Variants in ADGB observed in about 807,000 individuals in gnomAD.
ADGB encodes androglobin, also known as calpain-7-like protein.
ADGB carries 172 observed loss-of-function variants against 210.5 expected under a neutral mutation model. The observed-to-expected ratio is 0.82, with a 90% CI of 0.72 to 0.93. The LOEUF (loss-of-function observed/expected upper bound fraction) is 0.93. Among genes scored for constraint, ADGB ranks in the 40% least tolerant of loss-of-function variants. ADGB has a pLI of 0.00. For missense variants in ADGB, 2,025 were observed against 1,964.8 expected (o/e 1.03, Z -0.58); for synonymous variants, 658 against 662.7 (o/e 0.99, Z 0.11).
chr6:146,803,917 T>A, intron 35 of ADGB: 1 of 274,590 alleles, frequency 3.6e-6, no homozygotes, highest in Non-Finnish European at 6.7e-6. Context: ...GCCTACAGAA[T>A]CCCCAAAAAG....
At chr6:146,606,124 G>T (rs938327643) in intron 1 of ADGB, among the ~76,000 whole-genome samples, 2 of 152,028 alleles carry the variant, frequency 1.3e-5, no homozygotes, top group African/African-American at 4.8e-5. Context: ...ATTCTTAATG[G>T]TGTGAGATGG....
intron 2 of ADGB, among the ~76,000 whole-genome samples, chr6:146,640,433 A>G (rs563563716): frequency 5.2e-4 from 79 of 152,030 alleles, no homozygotes; most frequent in African/African-American, 1.7e-3. Flanking sequence ...CATCTTGATA[A>G]CAAAACCTGG....
At chr6:146,731,883 G>A (rs147176915) in intron 20 of ADGB, among the ~76,000 whole-genome samples, 2 of 152,272 alleles carry the variant, frequency 1.3e-5, no homozygotes, top group Admixed American at 6.5e-5. Context: ...CGGGCACGGA[G>A]TCTGCAAATG....
At chr6:146,682,129 A>G (rs1037622462) in intron 9 of ADGB, among the ~76,000 whole-genome samples, 11 of 152,102 alleles carry the variant, frequency 7.2e-5, no homozygotes, top group Non-Finnish European at 1.6e-4. Flanking sequence ...AATACTTCTT[A>G]TGGATTTATA....
At chr6:146,646,467 A>G (rs761696402) in intron 3 of ADGB, among the ~76,000 whole-genome samples, 6 of 152,124 alleles carry the variant, frequency 3.9e-5, no homozygotes, top group Non-Finnish European at 2.9e-5. Flanking sequence ...TCAAAAAGCA[A>G]GGTTACAAAA....
chr6:146,660,758 T>C (rs1775843844), intron 5 of ADGB, among the ~76,000 whole-genome samples: 1 of 152,176 alleles, frequency 6.6e-6, no homozygotes, highest in Admixed American at 6.5e-5. Flanking sequence ...CTAGGATTTC[T>C]ACCATATGGA....
intron 23 of ADGB, 38 bp downstream of exon 23, chr6:146,736,629 G>T (rs1006432776): frequency 6.8e-5 from 97 of 1,416,234 alleles, no homozygotes; most frequent in Non-Finnish European, 8.8e-5. Flanking sequence ...GCAGTATATT[G>T]TCCTTTTGTC....
At chr6:146,701,130 C>A in intron 13 of ADGB, 60 bp downstream of exon 13, 1 of 1,492,902 alleles carries the variant, frequency 6.7e-7, no homozygotes, top group Non-Finnish European at 9.1e-7. Flanking sequence ...TTTTTCCTTA[C>A]ATTGTGAAAC....
chr6:146,764,129 C>CTGT, intron 28 of ADGB, 29 bp downstream of exon 28: 1 of 1,499,372 alleles, frequency 6.7e-7, no homozygotes, highest in Non-Finnish European at 9.0e-7. Flanking sequence ...TTCAATTGGA[C>CTGT]TGTTCCTAAA....
intron 8 of ADGB, among the ~76,000 whole-genome samples, chr6:146,672,875 C>T (rs900556645): frequency 6.6e-6 from 1 of 151,836 alleles, no homozygotes; most frequent in East Asian, 1.9e-4. Flanking sequence ...GGGTTACAGG[C>T]GTGCACCACC....
At chr6:146,773,761 GA>G (rs1477145060) in intron 29 of ADGB, among the ~76,000 whole-genome samples, 1 of 152,176 alleles carries the variant, frequency 6.6e-6, no homozygotes, top group African/African-American at 2.4e-5. Flanking sequence ...AAGCTCTTTA[GA>G]TACTCTAACA....
intron 33 of ADGB, among the ~76,000 whole-genome samples, chr6:146,793,434 GATGGGGGCAAAGA>G (rs1777982083): frequency 6.6e-6 from 1 of 152,142 alleles, no homozygotes; most frequent in Non-Finnish European, 1.5e-5. Flanking sequence ...CTTCCTGCTG[GATGGGGGCAAAGA>G]AGGGGCCCTG....
At chr6:146,736,085 A>G (rs1230865465) in intron 22 of ADGB, among the ~76,000 whole-genome samples, 1 of 152,218 alleles carries the variant, frequency 6.6e-6, no homozygotes, top group Non-Finnish European at 1.5e-5. Flanking sequence ...CTTTTAAACC[A>G]TTTGCAGATA....
At chr6:146,707,720 T>C (rs1156900903) in intron 13 of ADGB, among the ~76,000 whole-genome samples, 1 of 152,120 alleles carries the variant, frequency 6.6e-6, no homozygotes, top group Non-Finnish European at 1.5e-5. Flanking sequence ...TCAGTCTATA[T>C]GTGTCTTTAA....
At chr6:146,725,821 C>CAGCATGT (rs1306688460) in intron 18 of ADGB, 112 of 289,848 alleles carry the variant, frequency 3.9e-4, no homozygotes, top group African/African-American at 2.2e-3. Context: ...TGTGGGAGGT[C>CAGCATGT]ACTCCAGCAT....
intron 35 of ADGB, among the ~76,000 whole-genome samples, chr6:146,805,141 C>G (rs1778193667): frequency 6.6e-6 from 1 of 152,206 alleles, no homozygotes; most frequent in South Asian, 2.1e-4. Context: ...AGAGACACCT[C>G]TACCATGATT....
intron 6 of ADGB, 114 bp from the exon 7 acceptor site, chr6:146,666,702 G>A: frequency 1.8e-6 from 1 of 556,018 alleles, no homozygotes; most frequent in Non-Finnish European, 3.1e-6. Flanking sequence ...TTTTAATACA[G>A]TCTATAATGA....
chr6:146,622,256 T>A (rs1780904882), intron 1 of ADGB, among the ~76,000 whole-genome samples: 1 of 152,156 alleles, frequency 6.6e-6, no homozygotes, highest in South Asian at 2.1e-4. Context: ...CACAATTCTG[T>A]AGCAAAGACG....
chr6:146,615,001 C>A (rs4621654), intron 1 of ADGB, among the ~76,000 whole-genome samples: 2,929 of 152,052 alleles, frequency 0.019, 88 homozygotes, highest in African/African-American at 0.065. Context: ...CCCGGGTTCA[C>A]GCCATTGTCT....
Sources: allele counts gnomAD v4.1 joint callset (sites outside exome capture counted in the v4.1 genomes callset), GRCh38; gene constraint gnomAD v4.1.1; transcripts MANE v1.5; gene names NCBI Gene and HGNC (gene_info 2026-07-23, HGNC 2026-07-21).